The following ROBO2 variants were observed in gnomAD, a reference collection of about 807,000 sequenced individuals.
ROBO2 encodes the protein roundabout guidance receptor 2.
In ROBO2, 53 loss-of-function variants were observed where a neutral mutation model predicts 160.8. That is an observed-to-expected ratio of 0.33 (90% confidence interval 0.26 to 0.41). ROBO2 has a LOEUF of 0.41. Among genes scored for constraint, ROBO2 ranks in the 10% least tolerant of loss-of-function variants. The pLI, the probability that ROBO2 is intolerant of heterozygous loss-of-function variation, is 1.00. For missense variants in ROBO2, 1,577 were observed against 1,722.4 expected, an observed-to-expected ratio of 0.92 and a Z score of 1.49; for synonymous variants, 664 against 611.7, an observed-to-expected ratio of 1.09 and a Z score of -1.26.
intron 2 of ROBO2, among the ~76,000 whole-genome samples, chr3:76,605,710 T>G (rs1229003523): frequency 6.6e-6 from 1 of 152,084 alleles, no homozygotes; most frequent in African/African-American, 2.4e-5. Flanking sequence ...TTAGGGATAT[T>G]TAACATGGGG....
rs2090837378 is a variant in ROBO2 at position 77,523,624 on chromosome 3, TG to T, written c.934+725del. ...TAGAATAAATTAACTGTCTTTTCAG[TG>T]GGACTTGTTGATCACGTGAGGGAAA... On this transcript the variant is annotated intron_variant, in intron 6 of 25. Coordinates refer to ENST00000461745, the Ensembl canonical transcript of ROBO2. Among the ~76,000 whole-genome samples the T allele has an allele frequency of 2.0e-5, 3 of 151,498 alleles. No homozygotes were observed. In the South Asian group the frequency reaches 6.2e-4, roughly 31 times the overall value.
chr3:76,045,248 TTA>T (rs1333681359), intron 2 of ROBO2, among the ~76,000 whole-genome samples: 1 of 152,074 alleles, frequency 6.6e-6, no homozygotes, highest in African/African-American at 2.4e-5. Flanking sequence ...CAAAATTCTT[TTA>T]CACCTTTTCA....
intron 2 of ROBO2, among the ~76,000 whole-genome samples, chr3:76,265,230 C>A (rs930461637): frequency 1.3e-5 from 2 of 152,016 alleles, no homozygotes; most frequent in East Asian, 3.9e-4. Context: ...ATTCTGCCTG[C>A]GAAAGACTAT....
intron 2 of ROBO2, among the ~76,000 whole-genome samples, chr3:76,469,185 C>T (rs752149199): frequency 6.6e-6 from 1 of 151,958 alleles, no homozygotes; most frequent in African/African-American, 2.4e-5. Flanking sequence ...TCTGTCTGCT[C>T]TCCATTAATC....
intron 2 of ROBO2, among the ~76,000 whole-genome samples, chr3:77,018,855 G>A (rs1285950267): frequency 1.3e-5 from 2 of 152,156 alleles, no homozygotes; most frequent in Non-Finnish European, 2.9e-5. Flanking sequence ...CAGAGGCTAA[G>A]GAGAGGGAAG....
chr3:76,385,737 A>T (rs1470638971), intron 2 of ROBO2, among the ~76,000 whole-genome samples: 1 of 152,148 alleles, frequency 6.6e-6, no homozygotes, highest in Admixed American at 6.5e-5. Context: ...CCTTGCTCAG[A>T]GTTTGATCTG....
At chr3:77,380,700 C>T (rs888831386) in intron 2 of ROBO2, among the ~76,000 whole-genome samples, 4 of 149,536 alleles carry the variant, frequency 2.7e-5, no homozygotes, top group East Asian at 2.0e-4. Context: ...TCCCTCCTTC[C>T]CTCCCTTCCT....
At chr3:76,005,558 C>A (rs1016074340) in intron 2 of ROBO2, among the ~76,000 whole-genome samples, 1 of 152,186 alleles carries the variant, frequency 6.6e-6, no homozygotes, top group Non-Finnish European at 1.5e-5. Context: ...AGCTTAAAAT[C>A]TAATCCACCT....
At chr3:76,948,904 A>ATG (rs2078767348) in intron 2 of ROBO2, among the ~76,000 whole-genome samples, 7 of 24,846 alleles carry the variant, frequency 2.8e-4, no homozygotes, top group African/African-American at 3.9e-4. Flanking sequence ...ATATATATAT[A>ATG]TATATTTTTT....
At chr3:77,310,982 T>C (rs1446580471) in intron 2 of ROBO2, among the ~76,000 whole-genome samples, 2 of 152,122 alleles carry the variant, frequency 1.3e-5, no homozygotes, top group African/African-American at 4.8e-5. Context: ...ATGAGTGAAT[T>C]GAAATGTCAT....
intron 2 of ROBO2, among the ~76,000 whole-genome samples, chr3:77,369,677 G>A (rs2071452501): frequency 6.6e-6 from 1 of 152,156 alleles, no homozygotes; most frequent in Non-Finnish European, 1.5e-5. Flanking sequence ...TCTTGATGTT[G>A]ATTCCCTGCA....
At chr3:76,512,956 A>G (rs1351024186) in intron 2 of ROBO2, among the ~76,000 whole-genome samples, 1 of 152,178 alleles carries the variant, frequency 6.6e-6, no homozygotes, top group Non-Finnish European at 1.5e-5. Flanking sequence ...CACCGTCATC[A>G]TGAATATTAC....
chr3:76,670,872 A>G (rs2092237672), intron 2 of ROBO2, among the ~76,000 whole-genome samples: 1 of 151,274 alleles, frequency 6.6e-6, no homozygotes, highest in Admixed American at 6.6e-5. Flanking sequence ...GTTTTTTAAA[A>G]TTGGTCATTT....
intron 2 of ROBO2, among the ~76,000 whole-genome samples, chr3:76,534,594 G>A (rs2082395661): frequency 6.6e-6 from 1 of 152,138 alleles, no homozygotes. Flanking sequence ...CTGGCAAAGA[G>A]AGGAATGTCC....
chr3:77,442,069 T>A (rs1213246564), intron 2 of ROBO2, among the ~76,000 whole-genome samples: 1 of 152,106 alleles, frequency 6.6e-6, no homozygotes, highest in Non-Finnish European at 1.5e-5. Flanking sequence ...TCCCAGCACT[T>A]TGGGAGGCCT....
intron 2 of ROBO2, among the ~76,000 whole-genome samples, chr3:76,369,489 G>C (rs1559835272): frequency 6.6e-6 from 1 of 151,908 alleles, no homozygotes; most frequent in African/African-American, 2.4e-5. Context: ...TGCATAGTTA[G>C]ATCTCTTTCT....
At chr3:76,288,455 C>G (rs530037358) in intron 2 of ROBO2, among the ~76,000 whole-genome samples, 51 of 151,598 alleles carry the variant, frequency 3.4e-4, no homozygotes, top group African/African-American at 1.2e-3. Context: ...TCCCCATTAA[C>G]AAAGGTTGGT....
chr3:76,450,013 AT>A (rs1364626281), intron 2 of ROBO2, among the ~76,000 whole-genome samples: 1 of 152,186 alleles, frequency 6.6e-6, no homozygotes, highest in African/African-American at 2.4e-5. Context: ...TGGAAAAGTC[AT>A]TTATCGAAAT....
At chr3:77,334,975 G>C (rs1170353555) in intron 2 of ROBO2, among the ~76,000 whole-genome samples, 11 of 152,142 alleles carry the variant, frequency 7.2e-5, no homozygotes, top group Non-Finnish European at 1.6e-4. Flanking sequence ...CCTTTGCAAA[G>C]ATACTGATTG....
Sources: gnomAD v4.1 joint callset for allele counts (sites outside exome capture counted in the v4.1 genomes callset) on GRCh38, gnomAD v4.1.1 for gene constraint, MANE v1.5 for transcripts, NCBI Gene and HGNC (gene_info 2026-07-23, HGNC 2026-07-21) for gene names.